Variants in CD34 observed in about 807,000 individuals in gnomAD.
CD34 encodes the protein hematopoietic progenitor cell antigen CD34.
A neutral mutation model predicts 40.1 loss-of-function variants in CD34; 34 were observed. The ratio of observed to expected loss-of-function variants is 0.85; its 90% CI spans 0.65 to 1.13. CD34 has a LOEUF of 1.13. CD34 is among the 50% of genes most tolerant of loss of function. The pLI is 0.00. For synonymous variants in CD34, 209 were observed against 190.0 expected (o/e 1.10, Z -0.82); for missense variants, 426 against 466.9 (o/e 0.91, Z 0.81).
At chr1:207,896,985 A>G (rs1273224298) in intron 4 of CD34, among the ~76,000 whole-genome samples, 2 of 152,186 alleles carry the variant, frequency 1.3e-5, no homozygotes, top group Non-Finnish European at 2.9e-5. Context: ...CATTCAACAA[A>G]TAATGTTAGG....
chr1:207,892,529 A>G (rs1408863203), intron 4 of CD34, among the ~76,000 whole-genome samples: 1 of 151,958 alleles, frequency 6.6e-6, no homozygotes, highest in Non-Finnish European at 1.5e-5. Flanking sequence ...CAGTGAACTG[A>G]GATCACAACA....
intron 4 of CD34, among the ~76,000 whole-genome samples, chr1:207,890,725 T>C (rs979950106): frequency 1.3e-5 from 2 of 151,990 alleles, no homozygotes; most frequent in African/African-American, 4.8e-5. Flanking sequence ...GAGAGTGTGG[T>C]TAGCCAAACT....
At chr1:207,890,108 C>T in intron 4 of CD34, 1 of 1,191,994 alleles carries the variant, frequency 8.4e-7, no homozygotes, top group Non-Finnish European at 1.0e-6. Flanking sequence ...TCTTTCTACC[C>T]AAAGGAGTCT....
At chr1:207,897,675 C>T (rs1300959289) in intron 3 of CD34, 102 bp from the exon 4 acceptor site, 1 of 860,948 alleles carries the variant, frequency 1.2e-6, no homozygotes, top group Non-Finnish European at 1.9e-6. Context: ...CTGTGAGGTG[C>T]TCTCTTAGGA....
intron 7 of CD34, chr1:207,888,249 C>A: frequency 2.2e-6 from 2 of 908,068 alleles, no homozygotes; most frequent in Non-Finnish European, 3.6e-6. Context: ...GGCCAGAGGC[C>A]AAGATTCAGA....
chr1:207,900,252 C>A (rs148127893), intron 1 of CD34, among the ~76,000 whole-genome samples: 1 of 151,982 alleles, frequency 6.6e-6, no homozygotes, highest in African/African-American at 2.4e-5. Flanking sequence ...AGGAGGGAAA[C>A]GTGAACAACT....
intron 1 of CD34, among the ~76,000 whole-genome samples, chr1:207,910,568 C>A (rs1276230837): frequency 6.6e-6 from 1 of 152,162 alleles, no homozygotes; most frequent in Admixed American, 6.5e-5. Context: ...GTGGGCACAC[C>A]GGCCCCTTCC....
At chr1:207,890,914 G>T (rs1662018871) in intron 4 of CD34, among the ~76,000 whole-genome samples, 1 of 152,156 alleles carries the variant, frequency 6.6e-6, no homozygotes, top group Non-Finnish European at 1.5e-5. Flanking sequence ...CCGTTTTTCT[G>T]AACAGCATTT....
At position 207,885,523 on chromosome 1, in the gene CD34, A is replaced by G. The variant is rs1479848141; in HGVS notation, c.*2215T>C. The G allele has an allele frequency of 6.6e-6, 1 of 151,914 alleles. No homozygotes were observed. The highest frequency in any genetic ancestry group is 1.9e-4 in the East Asian group (1 of 5,188). 9.4% of individuals were successfully genotyped at this position (151,914 alleles called of 1,614,324 possible). ...CCTCCCATATTTCCTAGGAATCTGA[A>G]CCCTGAACCCACCCCTCCTACTTGA... is the stretch of plus-strand genomic sequence containing the variant. On this transcript the variant is annotated 3_prime_UTR_variant, in exon 8 of 8. Transcript: ENST00000310833.
At position 207,911,107 on chromosome 1, in the gene CD34, G is replaced by T. The variant is rs751175416; in HGVS notation, c.-27C>A. ...CTTCCCGCGCGGCTCCTAGAGAGACGCACCGAGTGGAAGACACTACTCGGC... is the reference window on the plus strand; with the variant it reads ...CTTCCCGCGCGGCTCCTAGAGAGACTCACCGAGTGGAAGACACTACTCGGC... On this transcript the variant is annotated 5_prime_UTR_variant, in exon 1 of 8. Coordinates refer to ENST00000310833, the MANE Select transcript of CD34 (RefSeq NM_001025109.2). 14 of 1,552,420 alleles carry T rather than the reference G, an allele frequency of 9.0e-6. No homozygotes were observed. The highest frequency in any genetic ancestry group is 1.9e-5 in the Admixed American group (1 of 52,880).
intron 1 of CD34, among the ~76,000 whole-genome samples, chr1:207,901,914 T>G (rs1662279038): frequency 6.6e-6 from 1 of 152,146 alleles, no homozygotes; most frequent in East Asian, 1.9e-4. Flanking sequence ...GGGATCTAGA[T>G]CTGTACTTTT....
chr1:207,899,760 A>T (rs1220041129), intron 2 of CD34, 61 bp downstream of exon 2: 3 of 1,460,976 alleles, frequency 2.1e-6, no homozygotes, highest in Non-Finnish European at 2.8e-6. Flanking sequence ...AAAACATCCT[A>T]AATGCTTTAC....
At chr1:207,898,254 G>A (rs1443996710) in intron 3 of CD34, among the ~76,000 whole-genome samples, 6 of 151,830 alleles carry the variant, frequency 4.0e-5, no homozygotes, top group African/African-American at 1.5e-4. Flanking sequence ...CATGTTGCCC[G>A]GGCTGGTCTT....
At position 207,882,131 on chromosome 1, in the gene CD34, T is replaced by C. The variant is rs143686845; in HGVS notation, c.*5607A>G. ...CTAACTCTAAAAACCCTGGACATTA[T>C]ATATAAGTCAAACATAGGGAGACTC... is the stretch of plus-strand genomic sequence containing the variant. On this transcript the variant is annotated 3_prime_UTR_variant, in exon 8 of 8. Transcript: ENST00000310833. 2.0e-5 allele frequency: 3 copies of C among 152,318 alleles called. No homozygotes were observed. In the East Asian group the frequency reaches 5.8e-4, roughly 29 times the overall value. 9.4% of individuals were successfully genotyped at this position (152,318 alleles called of 1,614,324 possible). A position where few individuals can be genotyped will look rare whatever the true frequency, so the allele number is the denominator to read the frequency against.
intron 1 of CD34, among the ~76,000 whole-genome samples, chr1:207,907,748 T>C (rs894775345): frequency 2.6e-5 from 4 of 152,196 alleles, no homozygotes; most frequent in Non-Finnish European, 5.9e-5. Context: ...AACGTCCAGC[T>C]CTGGGACTAA....
intron 5 of CD34, 108 bp from the exon 6 acceptor site, chr1:207,889,321 CG>C: frequency 1.3e-6 from 2 of 1,564,754 alleles, no homozygotes; most frequent in Non-Finnish European, 1.7e-6. Flanking sequence ...TGGTCCATCT[CG>C]GGGGGACCGC....
In CD34 at chr1:207,883,342, A is replaced by C. The variant is rs1293630692; in HGVS notation, c.*4396T>G. 1 of 152,072 alleles carries C rather than the reference A, an allele frequency of 6.6e-6. No homozygotes were observed. The highest frequency in any genetic ancestry group is 1.5e-5 in the Non-Finnish European group (1 of 68,020). 9.4% of individuals were successfully genotyped at this position (152,072 alleles called of 1,614,324 possible). ...TTTTTACAGGACCCACTCAGAAACC[A>C]CCTGTTCATGACCCAGTCTCAGATC... On this transcript the variant is annotated 3_prime_UTR_variant, in exon 8 of 8. Transcript: ENST00000310833.
At chr1:207,890,546 A>T (rs910885392) in intron 4 of CD34, 1 of 152,358 alleles carries the variant, frequency 6.6e-6, no homozygotes, top group Non-Finnish European at 1.5e-5. Flanking sequence ...ACAAGGCCAC[A>T]GGGTCCTCCC....
intron 1 of CD34, among the ~76,000 whole-genome samples, chr1:207,910,503 C>T (rs1019076679): frequency 2.6e-5 from 4 of 152,178 alleles, no homozygotes. Context: ...ATCCCTGATT[C>T]GCTTCCCTCG....
Sources: gnomAD v4.1 joint callset for allele counts (sites outside exome capture counted in the v4.1 genomes callset) on GRCh38, gnomAD v4.1.1 for gene constraint, MANE v1.5 for transcripts, NCBI Gene and HGNC (gene_info 2026-07-23, HGNC 2026-07-21) for gene names.